The following MUC5B variants were observed in gnomAD, a reference collection of about 807,000 sequenced individuals.
MUC5B encodes mucin-5B.
In MUC5B, 116 loss-of-function variants were observed where a neutral mutation model predicts 376.9. The observed-to-expected ratio is 0.31, with a 90% CI of 0.26 to 0.36. MUC5B has a LOEUF of 0.36. MUC5B is among the 10% of genes least tolerant of loss of function. The probability of loss-of-function intolerance (pLI) is 1.00; values close to 1 mark genes in which losing one functional copy is unlikely to be tolerated. For missense variants in MUC5B, 7,165 were observed against 7,769.9 expected (o/e 0.92, Z 2.93); for synonymous variants, 3,517 against 3,390.9 (o/e 1.04, Z -1.29).
chr11:1,260,737 G>A lies in MUC5B; in HGVS notation c.17069+9G>A. ...TGCCCCGGAGCGTCCAAGTGAGTGG[G>A]CTCCTGGCCCTGTGCCAAGAGCACC... is the stretch of plus-strand genomic sequence containing the variant. On this transcript the variant is annotated intron_variant, in intron 48 of 48. Coordinates refer to ENST00000529681, the MANE Select transcript of MUC5B (RefSeq NM_002458.3). 6.3e-7 allele frequency: 1 copy of A among 1,599,000 alleles called. No homozygotes were observed. The highest frequency in any genetic ancestry group is 8.5e-7 in the Non-Finnish European group (1 of 1,171,316).
chr11:1,232,179 C>A lies in MUC5B; in HGVS notation c.1843+19C>A. 4 of 1,567,694 alleles carry A rather than the reference C, an allele frequency of 2.6e-6. No individual in the cohort carries two copies. The highest frequency in any genetic ancestry group is 2.4e-5 in the South Asian group (2 of 82,706). ...GAGAATGGTACTCCTCGCCCCCACC[C>A]CCACAGTCACCCCAGGCTCAAGTCC... On this transcript the variant is annotated intron_variant, in intron 15 of 48. Coordinates refer to ENST00000529681, the MANE Select transcript of MUC5B (RefSeq NM_002458.3).
Position 1,234,944 on chromosome 11 carries a change from C to G in MUC5B, c.2631-141C>G. 1 of 1,242,112 alleles carries G rather than the reference C, an allele frequency of 8.1e-7. No homozygotes were observed. Among genetic ancestry groups the G allele is most frequent in the Non-Finnish European group, 1.1e-6 (1 of 922,124 alleles). The allele number at this position is 1,242,112 out of a possible 1,614,324, so 76.9% of individuals were successfully genotyped here. A position where few individuals can be genotyped will look rare whatever the true frequency, so the allele number is the denominator to read the frequency against. Reference sequence around the variant, plus strand: ...GCCCTGCATTCACAGTGGGGGACACCACTTCTTCCACGGAGGAGGGGTCAG... The same window carrying G: ...GCCCTGCATTCACAGTGGGGGACACGACTTCTTCCACGGAGGAGGGGTCAG... On this transcript the variant is annotated intron_variant, in intron 21 of 48. Coordinates refer to ENST00000529681, the MANE Select transcript of MUC5B (RefSeq NM_002458.3). The surrounding 1 kb of genome is among the most constrained non-coding windows in gnomAD (Gnocchi z 6.3).
At position 1,242,217 on chromosome 11, in the gene MUC5B, G is replaced by A. The variant is rs1376772556; in HGVS notation, c.5337G>A (p.Gln1779=). ...MSPLTNTTTS[Q]GTTRCQPKCE... is the part of the protein sequence containing the mutation. ...CCTTGACTAACACCACCACCAGCCA[G>A]GGCACGACCCGCTGTCAACCGAAGT... The change falls in exon 31 of 49, where the codon CAG becomes CAA. Residue 1779 remains glutamine (Q), a synonymous_variant. Coordinates refer to ENST00000529681, the MANE Select transcript of MUC5B (RefSeq NM_002458.3). 1.9e-6 allele frequency: 3 copies of A among 1,613,612 alleles called. No homozygotes were observed. The highest frequency in any genetic ancestry group is 2.5e-6 in the Non-Finnish European group (3 of 1,179,880).
rs376861435 is a variant in MUC5B, at chr11:1,225,724, C to T, written c.114C>T (p.His38=). The T allele has an allele frequency of 2.5e-6, 4 of 1,606,430 alleles. No individual in the cohort carries two copies. Among genetic ancestry groups the T allele is most frequent in the Non-Finnish European group, 3.4e-6 (4 of 1,177,134 alleles). ...PVEPSWENAG[H]TMDGGAPTSS... ...AGCCGAGCTGGGAGAATGCAGGGCA[C>T]ACCATGGATGGCGGTATGTGGCCAG... Residue 38 remains histidine (H), a synonymous_variant, in exon 2 of 49, where the codon CAC becomes CAT. Coordinates refer to ENST00000529681, the MANE Select transcript of MUC5B (RefSeq NM_002458.3).
chr11:1,245,804 C>T lies in MUC5B; in HGVS notation c.8924C>T (p.Pro2975Leu), dbSNP rs564608364. The T allele has an allele frequency of 4.4e-5, 71 of 1,613,326 alleles. No homozygotes were observed. The highest frequency in any genetic ancestry group is 5.6e-5 in the Non-Finnish European group (66 of 1,179,788). The change falls in exon 31 of 49, where the codon CCG becomes CTG. Residue 2975 changes from proline (P) to leucine (L), a missense_variant. By Grantham distance (98) the Pro-to-Leu change is moderately conservative. Around this residue, in one of 31 missense-constraint regions of MUC5B, gnomAD observed 939 missense variants for 770.6 expected, o/e 1.22. Coordinates refer to ENST00000529681, the MANE Select transcript of MUC5B (RefSeq NM_002458.3). Reference sequence around the variant, plus strand: ...AACTACGGCCACTGCCCCAGCACCCCGGCCACCAGCTCTACGGCCACGCCC... The same window carrying T: ...AACTACGGCCACTGCCCCAGCACCCTGGCCACCAGCTCTACGGCCACGCCC... ...CCNYGHCPSTPATSSTATPSS... is the reference protein window; with the variant it reads ...CCNYGHCPSTLATSSTATPSS...
In MUC5B at chr11:1,245,883, T is replaced by C. The variant is rs765442053; in HGVS notation, c.9003T>C (p.Thr3001=). 6.2e-7 allele frequency: 1 copy of C among 1,612,388 alleles called. No individual in the cohort carries two copies. Among genetic ancestry groups the C allele is most frequent in the East Asian group, 2.2e-5 (1 of 44,746 alleles). The change falls in exon 31 of 49, where the codon ACT becomes ACC. Residue 3001 remains threonine (T), a synonymous_variant. Coordinates refer to ENST00000529681, the MANE Select transcript of MUC5B (RefSeq NM_002458.3). The part of the protein sequence containing the change: ...WILTEQTTAA[T]TTATTGSTAI... ...TCACAGAGCAGACCACAGCAGCCAC[T>C]ACGACCGCAACCACTGGATCCACGG...
chr11:1,234,220 T>A lies in MUC5B; in HGVS notation c.2393T>A (p.Met798Lys). The change falls in exon 20 of 49, where the codon ATG (methionine) becomes AAG (lysine). Residue 798 changes from methionine (M) to lysine (K), a missense_variant. Coordinates refer to ENST00000529681, the MANE Select transcript of MUC5B (RefSeq NM_002458.3). This position sits in a 1 kb window ranked among gnomAD's most constrained non-coding sequence, Gnocchi z 6.3. ...CTGTCCCCAGGGTGTGCAGCCCCCA[T>A]GGTGTACCTGGACTGCAGCAACAGC... ...LQKSTGCAAP[M>K]VYLDCSNSSA... 1 of 1,604,498 alleles carries A rather than the reference T, an allele frequency of 6.2e-7. No homozygotes were observed.
At position 1,233,176 on chromosome 11, in the gene MUC5B, G is replaced by A. The variant is rs759918681; in HGVS notation, c.2229G>A (p.Ala743=). 7.5e-6 allele frequency: 12 copies of A among 1,604,606 alleles called. No homozygotes were observed. Among genetic ancestry groups the A allele is most frequent in the African/African-American group, 1.3e-5 (1 of 74,846 alleles). ...TCPAGTFLND[A]GACVPAQECP... is the part of the protein sequence containing the mutation. ...CCGCGGGCACCTTCCTCAATGACGC[G>A]GGCGCCTGTGTGCCCGCCCAGGAGT... Residue 743 remains alanine (A), a synonymous_variant, in exon 18 of 49, where the codon GCG becomes GCA. Transcript: ENST00000529681.
intron 11 of MUC5B, 55 bp downstream of exon 11, chr11:1,230,198 C>T: frequency 3.3e-6 from 5 of 1,530,434 alleles, no homozygotes; most frequent in Non-Finnish European, 4.4e-6. Flanking sequence ...GACCCTCATG[C>T]CACTTCCACC....
At chr11:1,252,219 C>A in intron 31 of MUC5B, 124 bp from the exon 32 acceptor site, 1 of 965,718 alleles carries the variant, frequency 1.0e-6, no homozygotes, top group Non-Finnish European at 1.5e-6. Context: ...AGCCTCTGCC[C>A]TCTCCACTCC....
intron 25 of MUC5B, 78 bp from the exon 26 acceptor site, chr11:1,238,793 C>T (rs548949722): frequency 1.7e-4 from 251 of 1,456,112 alleles, no homozygotes; most frequent in Non-Finnish European, 2.2e-4. Context: ...ATGGTTCCAG[C>T]AACTGGCCCT....
rs751887454 is a variant in MUC5B at position 1,240,040 on chromosome 11, C to T, written c.3729-5C>T. On this transcript the variant is annotated splice_region_variant and splice_polypyrimidine_tract_variant and intron_variant, in intron 28 of 48. Coordinates refer to ENST00000529681, the MANE Select transcript of MUC5B (RefSeq NM_002458.3). ...GCCCTCAGCTCGCCTCTCCCCCACC[C>T]CTAGTAACTGCACACCCAGTGGCAT... 3.2e-6 allele frequency: 5 copies of T among 1,581,574 alleles called. No homozygotes were observed. The highest frequency in any genetic ancestry group is 3.5e-5 in the Admixed American group (2 of 56,944).
rs1168855179 is a variant in MUC5B at position 1,245,166 on chromosome 11, C to G, written c.8286C>G (p.Ser2762Arg). The part of the protein sequence containing the change: ...ATTHGRSLSP[S>R]SPHTVRTAWT... ...CACACGGGCGATCCCTGTCCCCCAGCAGTCCCCACACGGTGCGCACAGCCT... is the reference window on the plus strand; with the variant it reads ...CACACGGGCGATCCCTGTCCCCCAGGAGTCCCCACACGGTGCGCACAGCCT... The change falls in exon 31 of 49, where the codon AGC becomes AGG. Residue 2762 changes from serine (S) to arginine (R), a missense_variant. Transcript: ENST00000529681. 13 of 1,574,620 alleles carry G rather than the reference C, an allele frequency of 8.3e-6. No homozygotes were observed. Among genetic ancestry groups the G allele is most frequent in the South Asian group, 2.3e-5 (2 of 88,868 alleles).
rs1434356161 is a variant in MUC5B at position 1,244,130 on chromosome 11, C to T, written c.7250C>T (p.Thr2417Ile). The change falls in exon 31 of 49, where the codon ACC becomes ATC. Residue 2417 changes from threonine to isoleucine, a missense_variant. Transcript: ENST00000529681. ...FCCNYGHCPS[T>I]PATSSTAMPS... is the part of the protein sequence containing the mutation. ...TGCAACTACGGCCACTGCCCCAGCA[C>T]CCCGGCCACCAGCTCTACGGCCATG... 14 of 1,612,564 alleles carry T rather than the reference C, an allele frequency of 8.7e-6. No homozygotes were observed. The highest frequency in any genetic ancestry group is 1.8e-4 in the Middle Eastern group (1 of 5,480).
rs757395753 is a variant in MUC5B at position 1,241,197 on chromosome 11, C to T, written c.4317C>T (p.Gly1439=). The part of the protein sequence containing the change: ...YVPCGPSPAP[G]TSPQPSLSAS... Reference sequence around the variant, plus strand: ...CCTGTGGCCCCTCCCCGGCCCCAGGCACCAGCCCTCAGCCCTCCCTCAGTG... The same window carrying T: ...CCTGTGGCCCCTCCCCGGCCCCAGGTACCAGCCCTCAGCCCTCCCTCAGTG... The change falls in exon 31 of 49, where the codon GGC becomes GGT. Residue 1439 remains glycine (G), a synonymous_variant. Transcript: ENST00000529681. 3.1e-6 allele frequency: 5 copies of T among 1,594,138 alleles called. No homozygotes were observed. Among genetic ancestry groups the T allele is most frequent in the Non-Finnish European group, 4.3e-6 (5 of 1,170,728 alleles).
chr11:1,234,322 A>C lies in MUC5B; in HGVS notation c.2478+17A>C. On this transcript the variant is annotated intron_variant, in intron 20 of 48. Coordinates refer to ENST00000529681, the MANE Select transcript of MUC5B (RefSeq NM_002458.3). This position sits in a 1 kb window ranked among gnomAD's most constrained non-coding sequence, Gnocchi z 6.3. ...GTGGGCTGTGTGAGTTCCATGCTTCAGGGAGGGGTGGGCAGGGAAGGGGTC... is the reference window on the plus strand; with the variant it reads ...GTGGGCTGTGTGAGTTCCATGCTTCCGGGAGGGGTGGGCAGGGAAGGGGTC... 2.2e-5 allele frequency: 16 copies of C among 728,564 alleles called. No homozygotes were observed. Among genetic ancestry groups the C allele is most frequent in the East Asian group, 4.4e-5 (1 of 22,712 alleles). The allele number at this position is 728,564 out of a possible 1,614,324, so 45.1% of individuals were successfully genotyped here.
chr11:1,245,578 A>G lies in MUC5B; in HGVS notation c.8698A>G (p.Asn2900Asp), dbSNP rs751054890. 1.1e-5 allele frequency: 17 copies of G among 1,578,434 alleles called. No individual in the cohort carries two copies. The South Asian group carries it at 1.9e-4, about 18-fold the overall frequency. Reference sequence around the variant, plus strand: ...TGGCGGGGACTTTGACACCTACTCCAACATCCGTGCGGCCGGAGGGGCCGT... The same window carrying G: ...TGGCGGGGACTTTGACACCTACTCCGACATCCGTGCGGCCGGAGGGGCCGT... Reference protein sequence around the residue: ...PSGGDFDTYSNIRAAGGAVCE... With the variant: ...PSGGDFDTYSDIRAAGGAVCE... Residue 2900 changes from asparagine to aspartate, a missense_variant, in exon 31 of 49, where the codon AAC (asparagine) becomes GAC (aspartate). Coordinates refer to ENST00000529681, the MANE Select transcript of MUC5B (RefSeq NM_002458.3).
chr11:1,244,406 A>G lies in MUC5B; in HGVS notation c.7526A>G (p.Lys2509Arg). 1.3e-6 allele frequency: 2 copies of G among 1,597,678 alleles called. No individual in the cohort carries two copies. The highest frequency in any genetic ancestry group is 1.1e-5 in the South Asian group (1 of 90,542). The change falls in exon 31 of 49, where the codon AAA (lysine) becomes AGA (arginine). Residue 2509 changes from lysine (K) to arginine (R), a missense_variant. Transcript: ENST00000529681. Reference sequence around the variant, plus strand: ...ACGACACCCACAGTCACCAGCTCCAAAGCCACTCCCTTCTCCAGTCCAGGG... The same window carrying G: ...ACGACACCCACAGTCACCAGCTCCAGAGCCACTCCCTTCTCCAGTCCAGGG... Reference protein sequence around the residue: ...TATTPTVTSSKATPFSSPGTA... With the variant: ...TATTPTVTSSRATPFSSPGTA...
At position 1,241,599 on chromosome 11, in the gene MUC5B, C is replaced by G; in HGVS notation, c.4719C>G (p.Gly1573=). Residue 1573 remains glycine (G), a synonymous_variant, in exon 31 of 49, where the codon GGC becomes GGG. Coordinates refer to ENST00000529681, the MANE Select transcript of MUC5B (RefSeq NM_002458.3). The part of the protein sequence containing the change: ...GQKVHCDVHF[G]LVCRNWEQEG... The stretch of plus-strand genomic sequence containing the variant: ...AGGTGCACTGTGACGTCCACTTCGG[C>G]CTGGTGTGCAGGAACTGGGAGCAGG... The G allele has an allele frequency of 6.2e-7, 1 of 1,612,344 alleles. No individual in the cohort carries two copies. The highest frequency in any genetic ancestry group is 8.5e-7 in the Non-Finnish European group (1 of 1,179,416).
Sources: allele counts gnomAD v4.1 joint callset, GRCh38; gene constraint gnomAD v4.1.1; regional missense constraint gnomAD v4.1.1; non-coding constraint Gnocchi (gnomAD v3.1); transcripts MANE v1.5; gene names NCBI Gene and HGNC (gene_info 2026-07-23, HGNC 2026-07-21).